Variants in SLC14A2 observed in about 807,000 individuals in gnomAD.
SLC14A2 encodes solute carrier family 14 member 2.
A neutral mutation model predicts 104.6 loss-of-function variants in SLC14A2; 91 were observed. The ratio of observed to expected loss-of-function variants is 0.87; its 90% CI spans 0.73 to 1.04. The LOEUF (loss-of-function observed/expected upper bound fraction) is 1.04. SLC14A2 is among the 50% of genes least tolerant of loss of function. The probability of loss-of-function intolerance (pLI) is 0.00; values close to 1 mark genes in which losing one functional copy is unlikely to be tolerated. For missense variants in SLC14A2, 1,189 were observed against 1,156.0 expected, an observed-to-expected ratio of 1.03 and a Z score of -0.41; for synonymous variants, 476 against 466.4, an observed-to-expected ratio of 1.02 and a Z score of -0.27.
chr18:45,504,910 A>G (rs2144772230), intron 2 of SLC14A2, among the ~76,000 whole-genome samples: 1 of 152,320 alleles, frequency 6.6e-6, no homozygotes, highest in Middle Eastern at 3.4e-3. Context: ...AAGGAGATTC[A>G]TTTATCAGAA....
At chr18:45,452,387 A>G (rs913628345) in intron 1 of SLC14A2, among the ~76,000 whole-genome samples, 3 of 152,174 alleles carry the variant, frequency 2.0e-5, no homozygotes, top group Non-Finnish European at 2.9e-5. Context: ...TTCAGTACTT[A>G]TTACCACTTG....
At chr18:45,385,041 C>T (rs1409462458) in intron 1 of SLC14A2, among the ~76,000 whole-genome samples, 2 of 152,154 alleles carry the variant, frequency 1.3e-5, no homozygotes, top group Non-Finnish European at 2.9e-5. Flanking sequence ...GGGAGAACAT[C>T]AGGATATTGT....
intron 11 of SLC14A2, among the ~76,000 whole-genome samples, chr18:45,665,197 C>T (rs1416659956): frequency 6.6e-6 from 1 of 152,180 alleles, no homozygotes; most frequent in Non-Finnish European, 1.5e-5. Flanking sequence ...AGTGTTTTGA[C>T]ACCCTGACGA....
chr18:45,537,627 G>A (rs1008332277), intron 2 of SLC14A2, among the ~76,000 whole-genome samples: 3 of 152,184 alleles, frequency 2.0e-5, no homozygotes, highest in Admixed American at 1.3e-4. Flanking sequence ...GTGAAATGAG[G>A]AAGCCATTGG....
intron 2 of SLC14A2, among the ~76,000 whole-genome samples, chr18:45,596,030 C>G (rs768263514): frequency 3.3e-5 from 5 of 152,192 alleles, no homozygotes; most frequent in Non-Finnish European, 7.3e-5. Flanking sequence ...AAGAAAACCA[C>G]CCAGTACGGA....
intron 1 of SLC14A2, among the ~76,000 whole-genome samples, chr18:45,369,709 G>A (rs982469874): frequency 6.6e-6 from 1 of 152,160 alleles, no homozygotes; most frequent in African/African-American, 2.4e-5. Context: ...GTATGAACTT[G>A]CTCAAGGTTA....
At chr18:45,188,655 C>T in the SLC14A2 span, among the ~76,000 whole-genome samples, 1 of 152,158 alleles carries the variant, frequency 6.6e-6, no homozygotes. Context: ...GATTTTCCTG[C>T]TCCTGAGAAC....
chr18:45,235,925 A>ATG lies in SLC14A2; in HGVS notation c.-125+22735_-125+22736insGT, dbSNP rs2084227912. ...TATGTATATATACATATATGTGTGT[A>ATG]TATATGTATATATACATATATGTGT... On this transcript the variant is annotated intron_variant, in intron 1 of 20. Coordinates refer to the SLC14A2 transcript ENST00000586448. 2.3e-4 allele frequency among the ~76,000 whole-genome samples: 23 copies of ATG among 100,886 alleles called. 2 individuals carry two copies. The highest frequency in any genetic ancestry group is 1.4e-3 in the South Asian group (5 of 3,650). 66.2% of individuals were successfully genotyped at this position (100,886 alleles called of 152,430 possible). A position where few individuals can be genotyped will look rare whatever the true frequency, so the allele number is the denominator to read the frequency against.
chr18:45,465,283 T>C (rs2087120014), intron 1 of SLC14A2, among the ~76,000 whole-genome samples: 1 of 152,198 alleles, frequency 6.6e-6, no homozygotes, highest in African/African-American at 2.4e-5. Flanking sequence ...CAGAATCAAT[T>C]GCATATGTGT....
intron 1 of SLC14A2, among the ~76,000 whole-genome samples, chr18:45,454,825 G>A (rs975773402): frequency 8.5e-5 from 13 of 152,062 alleles, no homozygotes; most frequent in African/African-American, 2.2e-4. Flanking sequence ...GATGTGTGGC[G>A]TTATTTCTGA....
chr18:45,312,678 C>T (rs1428756400), intron 1 of SLC14A2, among the ~76,000 whole-genome samples: 1 of 152,232 alleles, frequency 6.6e-6, no homozygotes. Context: ...CTGATCTTCG[C>T]TGTGGGCTAA....
intron 1 of SLC14A2, among the ~76,000 whole-genome samples, chr18:45,278,552 G>C (rs920671863): frequency 6.6e-6 from 1 of 152,158 alleles, no homozygotes; most frequent in African/African-American, 2.4e-5. Context: ...GGATCACTGT[G>C]ATGGGCAAAA....
At chr18:45,187,760 G>A in the SLC14A2 span, among the ~76,000 whole-genome samples, 9 of 123,172 alleles carry the variant, frequency 7.3e-5, no homozygotes, top group South Asian at 5.8e-4. Context: ...TTCTGCTTCT[G>A]GTAAAAAAAT....
chr18:45,533,245 A>G (rs146659386), intron 2 of SLC14A2, among the ~76,000 whole-genome samples: 25,141 of 152,022 alleles, frequency 0.17, 2,610 homozygotes, highest in African/African-American at 0.28. Context: ...CTCTTTTTCT[A>G]TTGATTGGAG....
At chr18:45,437,110 G>A (rs951673306) in intron 1 of SLC14A2, among the ~76,000 whole-genome samples, 4 of 152,144 alleles carry the variant, frequency 2.6e-5, no homozygotes, top group Non-Finnish European at 5.9e-5. Flanking sequence ...GCTAATGGAC[G>A]CACGCATGAG....
At chr18:45,299,324 A>G (rs994690169) in intron 1 of SLC14A2, among the ~76,000 whole-genome samples, 9 of 152,258 alleles carry the variant, frequency 5.9e-5, no homozygotes, top group Middle Eastern at 3.2e-3. Flanking sequence ...TTTGCATGCC[A>G]GGTTGCCTGT....
chr18:45,626,045 C>G (rs956457683), intron 3 of SLC14A2, among the ~76,000 whole-genome samples, 182 bp downstream of exon 3: 3 of 152,190 alleles, frequency 2.0e-5, no homozygotes, highest in Non-Finnish European at 2.9e-5. Context: ...CCTAAGCTGA[C>G]TCCAAGGGGA....
intron 1 of SLC14A2, among the ~76,000 whole-genome samples, chr18:45,383,590 A>C (rs895937371): frequency 6.6e-6 from 1 of 152,150 alleles, no homozygotes; most frequent in African/African-American, 2.4e-5. Context: ...TACATGTGTT[A>C]GGCTCTCCCC....
chr18:45,405,893 T>A (rs2612563), intron 1 of SLC14A2, among the ~76,000 whole-genome samples: 39,312 of 111,810 alleles, frequency 0.35, 5,391 homozygotes, highest in South Asian at 0.51. Context: ...GGAGACTCCA[T>A]CTCGAAAAAA....
Sources: gnomAD v4.1 joint callset for allele counts (sites outside exome capture counted in the v4.1 genomes callset) on GRCh38, gnomAD v4.1.1 for gene constraint, MANE v1.5 for transcripts, NCBI Gene and HGNC (gene_info 2026-07-23, HGNC 2026-07-21) for gene names.